The following IMPA1 variants were observed in gnomAD, a reference collection of about 807,000 sequenced individuals.
IMPA1 encodes the protein inositol monophosphatase 1.
A neutral mutation model predicts 34.9 loss-of-function variants in IMPA1; 21 were observed. That is an observed-to-expected ratio of 0.60 (90% CI 0.43 to 0.87). The LOEUF is 0.87. IMPA1 is among the 40% of genes least tolerant of loss of function. IMPA1 has a pLI of 0.00. For synonymous variants in IMPA1, 95 were observed against 104.4 expected (o/e 0.91, Z 0.55); for missense variants, 299 against 336.4 (o/e 0.89, Z 0.87).
intron 6 of IMPA1, 23 bp from the exon 7 acceptor site, chr8:81,671,070 C>T (rs928121321): frequency 2.5e-6 from 3 of 1,198,740 alleles, no homozygotes; most frequent in Admixed American, 2.9e-5. Context: ...TGTTAGGTTT[C>T]AATATTTAGA....
chr8:81,671,778 T>C (rs1408353737), intron 6 of IMPA1, among the ~76,000 whole-genome samples: 1 of 151,972 alleles, frequency 6.6e-6, no homozygotes, highest in African/African-American at 2.4e-5. Context: ...GCACCTGTAA[T>C]CCCAGCTACT....
chr8:81,658,897 G>C lies in IMPA1; in HGVS notation c.*454C>G, dbSNP rs1806588537. The C allele has an allele frequency of 6.4e-6, 1 of 155,568 alleles. No individual in the cohort carries two copies. Among genetic ancestry groups the C allele is most frequent in the Non-Finnish European group, 1.4e-5 (1 of 70,854 alleles). The allele number at this position is 155,568 out of a possible 1,614,324, so 9.6% of individuals were successfully genotyped here. On this transcript the variant is annotated 3_prime_UTR_variant, in exon 9 of 9. Transcript: ENST00000256108. The stretch of plus-strand genomic sequence containing the variant: ...TAAAACAAAAAAGGTTCTCTGCAAA[G>C]AAAAAAAAGTTGGCCTAGGGTACTC...
intron 5 of IMPA1, among the ~76,000 whole-genome samples, chr8:81,675,688 T>A (rs1371173431): frequency 6.6e-6 from 1 of 152,238 alleles, no homozygotes; most frequent in Non-Finnish European, 1.5e-5. Flanking sequence ...CTTTACTGTT[T>A]GACCAACTAA....
intron 7 of IMPA1, among the ~76,000 whole-genome samples, chr8:81,667,894 G>T (rs1250023993): frequency 6.6e-6 from 1 of 151,656 alleles, no homozygotes; most frequent in Non-Finnish European, 1.5e-5. Context: ...CACGATCTCG[G>T]CTCACTGCAA....
Position 81,685,903 on chromosome 8 carries a change from G to T in IMPA1, c.-25+349C>A, listed in dbSNP as rs1187427694. ...GCGACTGCGGGCAGCACAGGACCTG[G>T]GCGCTGCCCCATCACTTAGAGTGAC... On this transcript the variant is annotated intron_variant, in intron 1 of 8. Coordinates refer to ENST00000256108, the MANE Select transcript of IMPA1 (RefSeq NM_005536.4). The T allele has an allele frequency of 4.5e-6, 7 of 1,545,426 alleles. No individual in the cohort carries two copies. Among genetic ancestry groups the T allele is most frequent in the Non-Finnish European group, 5.2e-6 (6 of 1,143,700 alleles).
chr8:81,678,148 C>G (rs1807181392), intron 4 of IMPA1, among the ~76,000 whole-genome samples: 1 of 151,994 alleles, frequency 6.6e-6, no homozygotes, highest in Non-Finnish European at 1.5e-5. Context: ...GAATGCACGT[C>G]TATTCATCCT....
rs1383154320 is a variant in IMPA1 at position 81,686,272 on chromosome 8, G to C, written c.-45C>G. On this transcript the variant is annotated 5_prime_UTR_variant, in exon 1 of 9. Transcript: ENST00000256108. ...CTCACCTTGAGTCGGAGGACGTCCG[G>C]CTAGCTCTGTGAACGGTGTTACCGC... The C allele has an allele frequency of 2.0e-6, 2 of 999,396 alleles. No individual in the cohort carries two copies. Among genetic ancestry groups the C allele is most frequent in the Non-Finnish European group, 2.4e-6 (2 of 838,092 alleles). The allele number at this position is 999,396 out of a possible 1,614,324, so 61.9% of individuals were successfully genotyped here.
In IMPA1 at chr8:81,666,869, C is replaced by CCA. The variant is rs1806841700; in HGVS notation, c.566+4069_566+4070insTG. 2.3e-4 allele frequency among the ~76,000 whole-genome samples: 9 copies of CCA among 39,352 alleles called. 1 individual carries two copies. The highest frequency in any genetic ancestry group is 7.1e-4 in the African/African-American group (8 of 11,328). 25.8% of individuals were successfully genotyped at this position (39,352 alleles called of 152,430 possible). On this transcript the variant is annotated intron_variant, in intron 7 of 8. Transcript: ENST00000256108. ...TGGGTGACAGAGGGAGACTCTGTCTCAAAAAAAAAAAAAAAAAAAAAAAAA... is the reference window on the plus strand; with the variant it reads ...TGGGTGACAGAGGGAGACTCTGTCTCCAAAAAAAAAAAAAAAAAAAAAAAAAA...
intron 1 of IMPA1, chr8:81,685,706 T>C: frequency 2.3e-6 from 2 of 853,468 alleles, no homozygotes; most frequent in African/African-American, 1.8e-5. Flanking sequence ...TATGAATAGT[T>C]ATATATATAT....
At chr8:81,676,489 T>A (rs2130301791) in intron 4 of IMPA1, among the ~76,000 whole-genome samples, 1 of 151,666 alleles carries the variant, frequency 6.6e-6, no homozygotes, top group Admixed American at 6.6e-5. Flanking sequence ...ACACACACCC[T>A]CCCCCCAACA....
chr8:81,673,694 C>T, intron 6 of IMPA1, 147 bp downstream of exon 6: 1 of 588,562 alleles, frequency 1.7e-6, no homozygotes, highest in Non-Finnish European at 3.0e-6. Flanking sequence ...ATTCCACATT[C>T]AAAGCTGAAG....
At position 81,671,063 on chromosome 8, in the gene IMPA1, T is replaced by A. The variant is rs763655408; in HGVS notation, c.458-16A>T. ...TTGGTAATATCTAAAAAGAAAGTGT[T>A]AGGTTTCAATATTTAGACTTCTAGA... On this transcript the variant is annotated splice_polypyrimidine_tract_variant and intron_variant, in intron 6 of 8. Transcript: ENST00000256108. 1 of 1,277,070 alleles carries A rather than the reference T, an allele frequency of 7.8e-7. No homozygotes were observed. The highest frequency in any genetic ancestry group is 2.9e-5 in the Admixed American group (1 of 34,538). The allele number at this position is 1,277,070 out of a possible 1,614,324, so 79.1% of individuals were successfully genotyped here.
chr8:81,685,625 ATATT>A (rs1807492532), intron 1 of IMPA1: 1 of 254,790 alleles, frequency 3.9e-6, no homozygotes. Flanking sequence ...ATACATAAGT[ATATT>A]TATGTACTAT....
At chr8:81,685,464 A>G (rs972920011) in intron 1 of IMPA1, among the ~76,000 whole-genome samples, 2 of 142,374 alleles carry the variant, frequency 1.4e-5, no homozygotes, top group African/African-American at 5.1e-5. Flanking sequence ...ATATAAGTAT[A>G]TATACCTAAG....
intron 7 of IMPA1, among the ~76,000 whole-genome samples, chr8:81,661,351 A>G (rs893346163): frequency 1.3e-5 from 2 of 151,768 alleles, no homozygotes; most frequent in Non-Finnish European, 2.9e-5. Context: ...AGTACAATGG[A>G]AAAATAGCAT....
chr8:81,668,722 T>C (rs565017076), intron 7 of IMPA1, among the ~76,000 whole-genome samples: 1 of 152,224 alleles, frequency 6.6e-6, no homozygotes, highest in Middle Eastern at 3.4e-3. Context: ...CCAGGAACCA[T>C]TTGCTAAATA....
chr8:81,660,330 C>T (rs1044648819), intron 8 of IMPA1, among the ~76,000 whole-genome samples, 186 bp downstream of exon 8: 3 of 152,192 alleles, frequency 2.0e-5, no homozygotes, highest in Non-Finnish European at 4.4e-5. Context: ...GTAAGTCTCA[C>T]ATTACCATTA....
At chr8:81,663,273 G>C (rs1806729060) in intron 7 of IMPA1, among the ~76,000 whole-genome samples, 1 of 152,212 alleles carries the variant, frequency 6.6e-6, no homozygotes, top group African/African-American at 2.4e-5. Context: ...GTAGCAGCAA[G>C]TTTATTGCCC....
intron 7 of IMPA1, among the ~76,000 whole-genome samples, chr8:81,660,879 ATAATT>A (rs1193447769): frequency 2.0e-5 from 3 of 152,196 alleles, no homozygotes; most frequent in African/African-American, 7.2e-5. Context: ...TCACAAAGCA[ATAATT>A]TAATAAGATA....
Sources: gnomAD v4.1 joint callset for allele counts (sites outside exome capture counted in the v4.1 genomes callset) on GRCh38, gnomAD v4.1.1 for gene constraint, MANE v1.5 for transcripts, NCBI Gene and HGNC (gene_info 2026-07-23, HGNC 2026-07-21) for gene names.